ZMAT1: variants seen among roughly 807,000 people sequenced by gnomAD.
ZMAT1 encodes the protein zinc finger matrin-type protein 1.
Under a neutral mutation model 18.5 loss-of-function variants are expected in ZMAT1, and 11 were observed. The ratio of observed to expected loss-of-function variants is 0.59; its 90% CI spans 0.37 to 0.98. The LOEUF is 0.98. Among genes scored for constraint, ZMAT1 ranks in the 50% least tolerant of loss-of-function variants. ZMAT1 has a pLI of 0.01. For missense variants in ZMAT1, 525 were observed against 496.2 expected (o/e 1.06, Z -0.55); for synonymous variants, 211 against 176.4 (o/e 1.20, Z -1.55).
intron 1 of ZMAT1, among the ~76,000 whole-genome samples, chrX:101,923,775 T>G (rs1929877875): frequency 8.9e-6 from 1 of 111,927 alleles, no homozygotes; most frequent in Non-Finnish European, 1.9e-5. Context: ...AGTTGAGTTT[T>G]CCCCAATGAT....
chrX:101,901,856 A>G (rs1928255176), intron 2 of ZMAT1, among the ~76,000 whole-genome samples: 1 of 112,367 alleles, frequency 8.9e-6, no homozygotes. Context: ...GCTCTAGTTC[A>G]TTCATGCTAT....
At chrX:101,895,811 C>T (rs1249270528) in intron 4 of ZMAT1, 1 of 748,295 alleles carries the variant, frequency 1.3e-6, no homozygotes, top group Non-Finnish European at 1.6e-6. Context: ...TCTTTAATCC[C>T]ACCTGTAGGA....
chrX:101,916,234 C>T (rs1386414601), intron 1 of ZMAT1, among the ~76,000 whole-genome samples: 2 of 103,787 alleles, frequency 1.9e-5, no homozygotes, highest in Non-Finnish European at 3.9e-5. Context: ...ACATCGGGGC[C>T]AGTTGGGGGG....
At chrX:101,909,639 T>A (rs748116487) in intron 1 of ZMAT1, among the ~76,000 whole-genome samples, 1 of 112,508 alleles carries the variant, frequency 8.9e-6, no homozygotes, top group Admixed American at 9.3e-5. Context: ...CAGTACACCT[T>A]GCCTTGTGGC....
At chrX:101,923,493 A>T (rs1019105354) in intron 1 of ZMAT1, among the ~76,000 whole-genome samples, 1 of 111,941 alleles carries the variant, frequency 8.9e-6, no homozygotes, top group African/African-American at 3.2e-5. Flanking sequence ...GAAGCACAGA[A>T]GATGATTTAA....
intron 1 of ZMAT1, among the ~76,000 whole-genome samples, chrX:101,917,576 T>C (rs992837430): frequency 8.9e-6 from 1 of 112,510 alleles, no homozygotes; most frequent in African/African-American, 3.2e-5. Flanking sequence ...GGAATCCTCA[T>C]ACACTGTTGG....
At chrX:101,917,695 CA>C in intron 1 of ZMAT1, among the ~76,000 whole-genome samples, 1 of 112,280 alleles carries the variant, frequency 8.9e-6, no homozygotes. Flanking sequence ...GTATTTACCC[CA>C]AAGAAAGGAA....
chrX:101,893,899 C>T (rs1927614608), intron 4 of ZMAT1, among the ~76,000 whole-genome samples: 1 of 111,237 alleles, frequency 9.0e-6, no homozygotes. Context: ...TACTGACCCA[C>T]ATAGATCATG....
intron 4 of ZMAT1, chrX:101,889,034 A>C (rs1206258907): frequency 8.9e-6 from 1 of 111,872 alleles, no homozygotes; most frequent in Non-Finnish European, 1.9e-5. Context: ...AAGAGCTGCC[A>C]GTCATGTATT....
rs769537975 is a variant in ZMAT1, at chrX:101,904,251, A to G, written c.372T>C (p.Phe124=). 4.2e-6 allele frequency: 5 copies of G among 1,202,715 alleles called. No homozygotes were observed. Among genetic ancestry groups the G allele is most frequent in the Non-Finnish European group, 4.5e-6 (4 of 891,209 alleles). Residue 124 remains phenylalanine (F), a synonymous_variant, in exon 2 of 6, where the codon TTT becomes TTC. Coordinates refer to ENST00000651725, the MANE Select transcript of ZMAT1 (RefSeq NM_001394560.1). The stretch of plus-strand genomic sequence containing the variant: ...CATAATGTGAAATTCTTTGTGATTC[A>G]AACTGTAGCATCACTCCACATACTT... ...FCQVCGVMLQ[F]ESQRISHYEG...
intron 1 of ZMAT1, among the ~76,000 whole-genome samples, chrX:101,906,184 C>T (rs1224153746): frequency 9.0e-6 from 1 of 111,449 alleles, no homozygotes; most frequent in East Asian, 2.8e-4. Context: ...GCCTCCAGGC[C>T]TGCTCCAGTG....
chrX:101,929,448 T>TATATATAC (rs1930321969), intron 1 of ZMAT1, among the ~76,000 whole-genome samples: 2 of 57,474 alleles, frequency 3.5e-5, no homozygotes, highest in African/African-American at 3.1e-4. Context: ...TATATATATA[T>TATATATAC]ATATATATAC....
intron 2 of ZMAT1, among the ~76,000 whole-genome samples, chrX:101,900,023 T>C (rs1193202804): frequency 5.4e-5 from 6 of 112,007 alleles, no homozygotes; most frequent in African/African-American, 1.9e-4. Flanking sequence ...GGTATCGCAT[T>C]GTGGTTTTGA....
chrX:101,912,754 C>T (rs1245532919), intron 1 of ZMAT1, among the ~76,000 whole-genome samples: 7 of 111,932 alleles, frequency 6.3e-5, no homozygotes, highest in South Asian at 3.7e-4. Flanking sequence ...TATCAGTGTA[C>T]TATAAACAGG....
chrX:101,884,543 G>A lies in ZMAT1; in HGVS notation c.1055C>T (p.Pro352Leu), dbSNP rs770382734. 1 of 1,208,990 alleles carries A rather than the reference G, an allele frequency of 8.3e-7. No individual in the cohort carries two copies. The highest frequency in any genetic ancestry group is 3.0e-5 in the East Asian group (1 of 33,701). Residue 352 changes from proline (P) to leucine (L), a missense_variant, in exon 6 of 6, where the codon CCT becomes CTT. Pro to Leu is a moderately conservative substitution (Grantham distance 98, BLOSUM62 -3). Transcript: ENST00000651725. ...AGAGTCATATGTCTTCTTTGAATGAGGTAACTGCTTTTCCATTGCTTGTGA... is the reference window on the plus strand; with the variant it reads ...AGAGTCATATGTCTTCTTTGAATGAAGTAACTGCTTTTCCATTGCTTGTGA... ...NISQAMEKQLPHSKKTYDSFQ... is the reference protein window; with the variant it reads ...NISQAMEKQLLHSKKTYDSFQ...
intron 2 of ZMAT1, among the ~76,000 whole-genome samples, chrX:101,901,612 A>G (rs905146858): frequency 9.0e-6 from 1 of 111,659 alleles, no homozygotes; most frequent in East Asian, 2.8e-4. Flanking sequence ...ATATAATCCT[A>G]TACCCTCATG....
intron 4 of ZMAT1, 89 bp downstream of exon 4, chrX:101,897,779 T>C (rs999680258): frequency 1.4e-5 from 11 of 784,529 alleles, no homozygotes; most frequent in East Asian, 3.2e-5. Context: ...GGGGTGAAAG[T>C]CTCCCCCACT....
intron 4 of ZMAT1, chrX:101,894,877 A>G (rs1927684669): frequency 1.3e-6 from 1 of 753,292 alleles, no homozygotes; most frequent in Non-Finnish European, 1.6e-6. Context: ...TGAAAGGGGA[A>G]TAAAATACAC....
At position 101,884,413 on chromosome X, in the gene ZMAT1, C is replaced by A. The variant is rs751697393; in HGVS notation, c.1185G>T (p.Gly395=). 2 of 1,210,654 alleles carry A rather than the reference C, an allele frequency of 1.7e-6. No individual in the cohort carries two copies. Among genetic ancestry groups the A allele is most frequent in the Non-Finnish European group, 2.2e-6 (2 of 895,114 alleles). Residue 395 remains glycine (G), a synonymous_variant, in exon 6 of 6, where the codon GGG becomes GGT. Coordinates refer to ENST00000651725, the MANE Select transcript of ZMAT1 (RefSeq NM_001394560.1). ...KMRENSVDTH[G]YREMVDSGPR... is the part of the protein sequence containing the mutation. ...GTCCAGAATCAACCATTTCTCTGTA[C>A]CCATGAGTATCCACAGAGTTCTCTC...
Sources: allele counts gnomAD v4.1 joint callset (sites outside exome capture counted in the v4.1 genomes callset), GRCh38; gene constraint gnomAD v4.1.1; transcripts MANE v1.5; gene names NCBI Gene and HGNC (gene_info 2026-07-23, HGNC 2026-07-21).